Variants in CCDC178 observed in about 807,000 individuals in gnomAD.
The protein encoded by CCDC178 is coiled-coil domain containing 178.
Under a neutral mutation model 117.4 loss-of-function variants are expected in CCDC178, and 126 were observed. That is an observed-to-expected ratio of 1.07 (90% CI 0.93 to 1.24). CCDC178 has a LOEUF of 1.24. Ranked by LOEUF, CCDC178 falls within the 50% of genes most tolerant of loss-of-function variation. CCDC178 has a pLI of 0.00. For synonymous variants in CCDC178, 283 were observed against 313.4 expected (o/e 0.90, Z 1.02); for missense variants, 1,030 against 986.9 (o/e 1.04, Z -0.59).
chr18:33,001,756 A>G (rs572776283), intron 21 of CCDC178, among the ~76,000 whole-genome samples: 21 of 152,290 alleles, frequency 1.4e-4, no homozygotes, highest in Middle Eastern at 3.4e-3. Flanking sequence ...TTAAAAAAAG[A>G]AGACCCAGCA....
chr18:33,323,655 C>A, intron 10 of CCDC178, 22 bp from the exon 11 acceptor site: 1 of 1,402,518 alleles, frequency 7.1e-7, no homozygotes, highest in South Asian at 1.7e-5. Context: ...AATATTTTTG[C>A]TTATATTTGC....
chr18:33,093,163 T>C lies in CCDC178; in HGVS notation c.2239-253A>G, dbSNP rs982592250. The stretch of plus-strand genomic sequence containing the variant: ...GTGATTCATCAGAGTTAGTCTGACT[T>C]TTAATTCACCTCTTTTCACTGCCTT... On this transcript the variant is annotated intron_variant, in intron 20 of 22. Transcript: ENST00000383096. Among the ~76,000 whole-genome samples, 9 of 152,188 alleles carry C rather than the reference T, an allele frequency of 5.9e-5. No homozygotes were observed. In the South Asian group the frequency reaches 1.9e-3, roughly 32 times the overall value.
At chr18:33,336,700 C>T (rs2062744571) in intron 9 of CCDC178, among the ~76,000 whole-genome samples, 1 of 152,026 alleles carries the variant, frequency 6.6e-6, no homozygotes, top group African/African-American at 2.4e-5. Context: ...GCCTACCCAA[C>T]AACAGCAGAG....
chr18:33,205,313 C>T (rs2059034773), intron 20 of CCDC178, among the ~76,000 whole-genome samples: 1 of 151,776 alleles, frequency 6.6e-6, no homozygotes. Flanking sequence ...ACAGAAGGCA[C>T]ATCTAAAAAA....
At position 33,386,442 on chromosome 18, in the gene CCDC178, T is replaced by C. The variant is rs572809831; in HGVS notation, c.208+3098A>G. Reference sequence around the variant, plus strand: ...AACAACAACAAAAACTTCAGGCCAATAGCCCTAATGAACATCTATGCAAAA... The same window carrying C: ...AACAACAACAAAAACTTCAGGCCAACAGCCCTAATGAACATCTATGCAAAA... On this transcript the variant is annotated intron_variant, in intron 5 of 22. Transcript: ENST00000383096. Among the ~76,000 whole-genome samples, 31 of 152,190 alleles carry C rather than the reference T, an allele frequency of 2.0e-4. No homozygotes were observed. In the South Asian group the frequency reaches 6.4e-3, roughly 32 times the overall value.
chr18:33,432,085 T>C (rs1452493367), intron 2 of CCDC178, among the ~76,000 whole-genome samples: 2 of 152,156 alleles, frequency 1.3e-5, no homozygotes, highest in Non-Finnish European at 2.9e-5. Context: ...CTTATGGGCC[T>C]GGGAGCCACA....
At chr18:32,950,445 A>G (rs1220066271) in intron 22 of CCDC178, among the ~76,000 whole-genome samples, 1 of 152,172 alleles carries the variant, frequency 6.6e-6, no homozygotes, top group Non-Finnish European at 1.5e-5. Flanking sequence ...CTATTGTTCC[A>G]TATGCTTTGT....
At chr18:33,162,099 G>A (rs981906411) in intron 20 of CCDC178, among the ~76,000 whole-genome samples, 14 of 152,160 alleles carry the variant, frequency 9.2e-5, no homozygotes, top group African/African-American at 3.1e-4. Context: ...ACCAAACACC[G>A]CATGTTCTCA....
At chr18:33,364,732 CTT>C (rs34988094) in intron 6 of CCDC178, among the ~76,000 whole-genome samples, 2 of 110,806 alleles carry the variant, frequency 1.8e-5, no homozygotes, top group Non-Finnish European at 1.9e-5. Flanking sequence ...GTTGTCGCTC[CTT>C]TTTTTTTTTT....
At chr18:32,984,684 C>T (rs2085052684) in intron 21 of CCDC178, among the ~76,000 whole-genome samples, 1 of 151,688 alleles carries the variant, frequency 6.6e-6, no homozygotes, top group Non-Finnish European at 1.5e-5. Context: ...AATTGTTAAA[C>T]CAATAATAAA....
chr18:33,404,574 A>C (rs1281245741), intron 3 of CCDC178, among the ~76,000 whole-genome samples: 1 of 152,098 alleles, frequency 6.6e-6, no homozygotes, highest in Non-Finnish European at 1.5e-5. Context: ...TAAACACTGA[A>C]ATTACAAAAT....
intron 22 of CCDC178, among the ~76,000 whole-genome samples, chr18:32,944,405 T>A (rs1036748079): frequency 6.6e-6 from 1 of 152,190 alleles, no homozygotes; most frequent in South Asian, 2.1e-4. Flanking sequence ...TGATGACAGA[T>A]ACTGCACACC....
chr18:33,234,656 T>G (rs775085472), intron 15 of CCDC178, among the ~76,000 whole-genome samples: 14 of 152,114 alleles, frequency 9.2e-5, no homozygotes, highest in Non-Finnish European at 1.6e-4. Context: ...GTAGGTTTTT[T>G]TGAGCATATT....
intron 9 of CCDC178, among the ~76,000 whole-genome samples, chr18:33,341,413 A>G (rs796972459): frequency 1.1e-4 from 17 of 152,198 alleles, no homozygotes; most frequent in African/African-American, 4.1e-4. Flanking sequence ...ATGAGTTAAG[A>G]CTTGGGGGAC....
intron 12 of CCDC178, among the ~76,000 whole-genome samples, chr18:33,267,577 TAAAG>T (rs920623271): frequency 9.2e-5 from 14 of 151,702 alleles, no homozygotes; most frequent in African/African-American, 2.9e-4. Context: ...AAATATAATA[TAAAG>T]AAACAATAGC....
chr18:33,066,408 A>C (rs898831276), intron 21 of CCDC178, among the ~76,000 whole-genome samples: 1 of 152,230 alleles, frequency 6.6e-6, no homozygotes, highest in African/African-American at 2.4e-5. Context: ...AAAGGTAAAC[A>C]ATGAATGAGG....
intron 10 of CCDC178, among the ~76,000 whole-genome samples, chr18:33,329,878 TG>T (rs1276663427): frequency 0.02 from 547 of 27,684 alleles, 7 homozygotes; most frequent in African/African-American, 0.036. Flanking sequence ...ATTATTAGAG[TG>T]TGTGTGTGTG....
chr18:33,295,399 T>A (rs979059726), intron 11 of CCDC178, among the ~76,000 whole-genome samples: 2 of 152,116 alleles, frequency 1.3e-5, no homozygotes, highest in African/African-American at 4.8e-5. Context: ...ATTTCTTGTG[T>A]GTGACACCAA....
intron 20 of CCDC178, among the ~76,000 whole-genome samples, chr18:33,153,775 C>T (rs2058364098): frequency 6.6e-6 from 1 of 151,462 alleles, no homozygotes; most frequent in Non-Finnish European, 1.5e-5. Flanking sequence ...AGAGTAATGC[C>T]ATAAGGATAG....
Sources: allele counts gnomAD v4.1 joint callset (sites outside exome capture counted in the v4.1 genomes callset), GRCh38; gene constraint gnomAD v4.1.1; transcripts MANE v1.5; gene names NCBI Gene and HGNC (gene_info 2026-07-23, HGNC 2026-07-21).